The following AFDN variants were observed in gnomAD, a reference collection of about 807,000 sequenced individuals.
AFDN encodes the protein afadin, adherens junction formation factor.
AFDN carries 68 observed loss-of-function variants against 216.6 expected under a neutral mutation model. The ratio of observed to expected loss-of-function variants is 0.31; its 90% CI spans 0.26 to 0.38. The LOEUF is 0.38. Ranked by LOEUF, AFDN falls within the 10% of genes least tolerant of loss-of-function variation. The pLI is 1.00. For synonymous variants in AFDN, 868 were observed against 853.7 expected (o/e 1.02, Z -0.29); for missense variants, 2,136 against 2,342.0 (o/e 0.91, Z 1.82).
At chr6:167,948,996 C>A (rs527685669) in intron 29 of AFDN, among the ~76,000 whole-genome samples, 20 of 152,294 alleles carry the variant, frequency 1.3e-4, no homozygotes, top group Middle Eastern at 6.8e-3. Context: ...TCAGCAGGAA[C>A]CCTGGGTAGA....
Position 167,963,310 on chromosome 6 carries a change from C to T in AFDN, c.4968+743C>T, listed in dbSNP as rs555360888. On this transcript the variant is annotated intron_variant, in intron 31 of 33. Transcript: ENST00000683244. ...CTCCCTGTGGGGGCCTGTTTCATCCCGAGGGGACTGCGTGTTGCTCTGTGT... is the reference window on the plus strand; with the variant it reads ...CTCCCTGTGGGGGCCTGTTTCATCCTGAGGGGACTGCGTGTTGCTCTGTGT... The T allele has an allele frequency of 1.5e-4, 157 of 1,062,206 alleles. No individual in the cohort carries two copies. In the African/African-American group the frequency reaches 2.2e-3, roughly 15 times the overall value. 65.8% of individuals were successfully genotyped at this position (1,062,206 alleles called of 1,614,324 possible). A position where few individuals can be genotyped will look rare whatever the true frequency, so the allele number is the denominator to read the frequency against.
intron 23 of AFDN, among the ~76,000 whole-genome samples, chr6:167,936,141 C>A (rs944152341): frequency 2.6e-5 from 4 of 152,204 alleles, no homozygotes; most frequent in Non-Finnish European, 5.9e-5. Context: ...CATACTAAGT[C>A]TCTGCATTTC....
intron 30 of AFDN, chr6:167,954,557 G>C (rs1166997112): frequency 6.8e-7 from 1 of 1,464,744 alleles, no homozygotes; most frequent in Non-Finnish European, 9.4e-7. Flanking sequence ...TCTTTCAGTG[G>C]TGGCTGTTTG....
At chr6:167,937,153 G>A (rs1363313621) in intron 23 of AFDN, among the ~76,000 whole-genome samples, 2 of 152,154 alleles carry the variant, frequency 1.3e-5, no homozygotes, top group African/African-American at 4.8e-5. Flanking sequence ...ATGTGTCCAC[G>A]GAAATGTCCA....
chr6:167,840,237 A>G (rs1274816594), intron 1 of AFDN, among the ~76,000 whole-genome samples: 2 of 152,236 alleles, frequency 1.3e-5, no homozygotes, highest in African/African-American at 4.8e-5. Context: ...CCTTATTTAA[A>G]AACATTCAAT....
chr6:167,924,986 C>T lies in AFDN; in HGVS notation c.3013-19C>T. On this transcript the variant is annotated intron_variant, in intron 22 of 33. Coordinates refer to ENST00000683244, the MANE Select transcript of AFDN (RefSeq NM_001386888.1). Reference sequence around the variant, plus strand: ...CTTCCATTTCAGTCATAAAATAAACCTTTGTTTTCATCCTTTAGGCTCAGC... The same window carrying T: ...CTTCCATTTCAGTCATAAAATAAACTTTTGTTTTCATCCTTTAGGCTCAGC... The T allele has an allele frequency of 1.3e-6, 2 of 1,576,458 alleles. No individual in the cohort carries two copies. Among genetic ancestry groups the T allele is most frequent in the Middle Eastern group, 1.7e-4 (1 of 5,994 alleles).
At chr6:167,864,402 C>T in intron 1 of AFDN, 149 bp from the exon 2 acceptor site, 1 of 827,076 alleles carries the variant, frequency 1.2e-6, no homozygotes. Flanking sequence ...AACTTGAAGA[C>T]TAAAAACCCA....
At chr6:167,949,567 A>G (rs1331200690) in intron 29 of AFDN, among the ~76,000 whole-genome samples, 2 of 152,192 alleles carry the variant, frequency 1.3e-5, no homozygotes, top group East Asian at 3.8e-4. Flanking sequence ...ATCACCTGCA[A>G]CGGCCCAGTC....
intron 7 of AFDN, among the ~76,000 whole-genome samples, chr6:167,890,641 T>C (rs1787447081): frequency 6.6e-6 from 1 of 152,322 alleles, no homozygotes; most frequent in South Asian, 2.1e-4. Flanking sequence ...AGAGTAGTCT[T>C]TGGAAATTGC....
At position 167,914,756 on chromosome 6, in the gene AFDN, C is replaced by G; in HGVS notation, c.2299+18C>G. ...AAAAATAGGTTAGGATGTTTTCTGA[C>G]TGTCTCCCTCTATCCCGCTTCCTTC... is the stretch of plus-strand genomic sequence containing the variant. On this transcript the variant is annotated intron_variant, in intron 18 of 33. Coordinates refer to ENST00000683244, the MANE Select transcript of AFDN (RefSeq NM_001386888.1). The G allele has an allele frequency of 6.6e-7, 1 of 1,506,710 alleles. No homozygotes were observed. Among genetic ancestry groups the G allele is most frequent in the Middle Eastern group, 1.7e-4 (1 of 5,878 alleles). The allele number at this position is 1,506,710 out of a possible 1,614,324, so 93.3% of individuals were successfully genotyped here.
chr6:167,917,951 G>A (rs530541690), intron 20 of AFDN, among the ~76,000 whole-genome samples: 15 of 152,334 alleles, frequency 9.8e-5, no homozygotes, highest in African/African-American at 3.6e-4. Flanking sequence ...CCTGTGCAAA[G>A]TGCATAGAAT....
At chr6:167,844,871 G>GTTTT (rs1781481986) in intron 1 of AFDN, among the ~76,000 whole-genome samples, 38 of 78,094 alleles carry the variant, frequency 4.9e-4, no homozygotes, top group African/African-American at 4.9e-4. Context: ...TTTTTTTTTT[G>GTTTT]GTTTTTGAGA....
intron 1 of AFDN, among the ~76,000 whole-genome samples, chr6:167,862,793 C>G (rs1383649827): frequency 6.6e-6 from 1 of 152,196 alleles, no homozygotes; most frequent in African/African-American, 2.4e-5. Flanking sequence ...GATAGAATTT[C>G]TGAGAGACAG....
chr6:167,889,486 T>G (rs1410607876), intron 7 of AFDN, among the ~76,000 whole-genome samples, 160 bp downstream of exon 7: 1 of 152,198 alleles, frequency 6.6e-6, no homozygotes, highest in Non-Finnish European at 1.5e-5. Context: ...CAGGCTGGAG[T>G]GCAGTGGCGC....
intron 6 of AFDN, among the ~76,000 whole-genome samples, chr6:167,886,049 A>T (rs1177560777): frequency 7.9e-5 from 12 of 152,218 alleles, no homozygotes; most frequent in Admixed American, 7.9e-4. Flanking sequence ...ATGCATAAAG[A>T]TAATTATTGA....
chr6:167,863,762 A>G (rs1240039192), intron 1 of AFDN: 1 of 518,848 alleles, frequency 1.9e-6, no homozygotes, highest in Admixed American at 1.9e-5. Flanking sequence ...TGTGGAGGGG[A>G]TACCTTTGGC....
intron 3 of AFDN, 21 bp downstream of exon 3, chr6:167,870,519 A>G (rs1430992546): frequency 2.0e-6 from 3 of 1,511,236 alleles, no homozygotes. Flanking sequence ...TCAGTATTTT[A>G]TGACGGTCTT....
chr6:167,829,104 A>C (rs1390870982), intron 1 of AFDN, among the ~76,000 whole-genome samples: 1 of 152,128 alleles, frequency 6.6e-6, no homozygotes, highest in Non-Finnish European at 1.5e-5. Context: ...GATATATTTC[A>C]TTTCCTAATT....
intron 28 of AFDN, 58 bp downstream of exon 28, chr6:167,948,002 T>A: frequency 1.5e-6 from 2 of 1,290,804 alleles, no homozygotes; most frequent in Non-Finnish European, 2.2e-6. Context: ...AGGGTTCCCT[T>A]TGGACATCTC....
Sources: gnomAD v4.1 joint callset for allele counts (sites outside exome capture counted in the v4.1 genomes callset) on GRCh38, gnomAD v4.1.1 for gene constraint, MANE v1.5 for transcripts, NCBI Gene and HGNC (gene_info 2026-07-23, HGNC 2026-07-21) for gene names.